Variants in PTPRJ observed in about 807,000 individuals in gnomAD.
PTPRJ encodes the protein receptor-type tyrosine-protein phosphatase eta.
Under a neutral mutation model 141.3 loss-of-function variants are expected in PTPRJ, and 129 were observed. The ratio of observed to expected loss-of-function variants is 0.91; its 90% CI spans 0.79 to 1.06. The LOEUF is 1.06. PTPRJ is among the 50% of genes least tolerant of loss of function. The pLI, the probability that PTPRJ is intolerant of heterozygous loss-of-function variation, is 0.00. For synonymous variants in PTPRJ, 610 were observed against 640.5 expected (o/e 0.95, Z 0.72); for missense variants, 1,601 against 1,679.7 (o/e 0.95, Z 0.82).
chr11:47,994,388 C>G (rs1295803620), intron 1 of PTPRJ, among the ~76,000 whole-genome samples: 1 of 152,044 alleles, frequency 6.6e-6, no homozygotes. Flanking sequence ...GGCACCGTGG[C>G]TCATACCTGT....
intron 1 of PTPRJ, among the ~76,000 whole-genome samples, chr11:48,098,777 C>CTTTGAGAAGG (rs1856080785): frequency 6.2e-5 from 1 of 16,030 alleles, no homozygotes; most frequent in Non-Finnish European, 3.3e-4. Flanking sequence ...TCTCGGCCTC[C>CTTTGAGAAGG]CAAAGTGCTG....
chr11:48,161,664 G>A (rs1857781828), intron 22 of PTPRJ, among the ~76,000 whole-genome samples: 1 of 151,856 alleles, frequency 6.6e-6, no homozygotes, highest in East Asian at 1.9e-4. Flanking sequence ...CCAGGCTGGA[G>A]TGCAGTAGCA....
chr11:48,084,105 G>C (rs1265997735), intron 1 of PTPRJ, among the ~76,000 whole-genome samples: 1 of 152,148 alleles, frequency 6.6e-6, no homozygotes, highest in Non-Finnish European at 1.5e-5. Flanking sequence ...GAGATGCTGC[G>C]TTGGTGTAAA....
intron 9 of PTPRJ, 39 bp downstream of exon 9, chr11:48,136,335 C>T: frequency 6.3e-7 from 1 of 1,594,466 alleles, no homozygotes; most frequent in South Asian, 1.1e-5. Context: ...AACAGCCTCT[C>T]TAACTGTCTC....
At chr11:48,141,930 C>A (rs558748180) in intron 11 of PTPRJ, among the ~76,000 whole-genome samples, 2 of 142,324 alleles carry the variant, frequency 1.4e-5, no homozygotes, top group East Asian at 4.1e-4. Flanking sequence ...GAAGCTCTTC[C>A]CCAATGTGTT....
chr11:48,121,206 A>T lies in PTPRJ; in HGVS notation c.556A>T (p.Ile186Phe), dbSNP rs768664284. 6.2e-7 allele frequency: 1 copy of T among 1,614,174 alleles called. No individual in the cohort carries two copies. Among genetic ancestry groups the T allele is most frequent in the East Asian group, 2.2e-5 (1 of 44,882 alleles). The change falls in exon 4 of 25, where the codon ATC becomes TTC. Residue 186 changes from isoleucine to phenylalanine, a missense_variant. Coordinates refer to ENST00000418331, the MANE Select transcript of PTPRJ (RefSeq NM_002843.4). ...LRPATSYVFS[I>F]TPGIGNETWG... ...TCCAGCGACTTCATATGTATTCTCC[A>T]TCACTCCAGGAATAGGCAATGAGAC...
chr11:48,134,498 C>T (rs1276693860), intron 8 of PTPRJ, among the ~76,000 whole-genome samples: 2 of 152,040 alleles, frequency 1.3e-5, no homozygotes, highest in Non-Finnish European at 2.9e-5. Context: ...ACAAAGGCTC[C>T]TCCCAGTGGC....
At chr11:48,069,261 A>C (rs1367151355) in intron 1 of PTPRJ, among the ~76,000 whole-genome samples, 2 of 141,508 alleles carry the variant, frequency 1.4e-5, no homozygotes, top group East Asian at 4.4e-4. Flanking sequence ...CACCATGCCC[A>C]GCTAATTTTT....
rs1857670552 is a variant in PTPRJ at position 48,158,575 on chromosome 11, T to C, written c.3439-1355T>C. Reference sequence around the variant, plus strand: ...AGTGTGTATCCAGATCCTGGGTTGTTTCTTTGGAACCTGGGTCTTTAAAGA... The same window carrying C: ...AGTGTGTATCCAGATCCTGGGTTGTCTCTTTGGAACCTGGGTCTTTAAAGA... On this transcript the variant is annotated intron_variant, in intron 21 of 24. Transcript: ENST00000418331. This position sits in a 1 kb window ranked among gnomAD's most constrained non-coding sequence, Gnocchi z 4.4. Among the ~76,000 whole-genome samples, 1 of 152,176 alleles carries C rather than the reference T, an allele frequency of 6.6e-6. No individual in the cohort carries two copies.
chr11:47,989,693 T>C (rs1854141698), intron 1 of PTPRJ, among the ~76,000 whole-genome samples: 1 of 152,162 alleles, frequency 6.6e-6, no homozygotes, highest in South Asian at 2.1e-4. Context: ...CTTTGGAAAT[T>C]AGTCCTTCGA....
At chr11:48,056,503 G>A (rs1052831884) in intron 1 of PTPRJ, among the ~76,000 whole-genome samples, 1 of 152,208 alleles carries the variant, frequency 6.6e-6, no homozygotes, top group Non-Finnish European at 1.5e-5. Flanking sequence ...TATTAGAGCG[G>A]CAGTTTGGCG....
chr11:48,079,178 A>G lies in PTPRJ; in HGVS notation c.97-30880A>G, dbSNP rs548689466. Among the ~76,000 whole-genome samples the G allele has an allele frequency of 6.7e-4, 102 of 152,208 alleles. 2 individuals are homozygous for G. In the South Asian group the frequency reaches 0.021, roughly 31 times the overall value. ...GCTAAAAAAAAAAAAATCACAAAAAATCTCAAAATGTTTTAAGAAAGTTTA... is the reference window on the plus strand; with the variant it reads ...GCTAAAAAAAAAAAAATCACAAAAAGTCTCAAAATGTTTTAAGAAAGTTTA... On this transcript the variant is annotated intron_variant, in intron 1 of 24. Coordinates refer to ENST00000418331, the MANE Select transcript of PTPRJ (RefSeq NM_002843.4).
At chr11:48,081,934 G>A (rs751291211) in intron 1 of PTPRJ, among the ~76,000 whole-genome samples, 10 of 152,212 alleles carry the variant, frequency 6.6e-5, no homozygotes, top group Non-Finnish European at 1.2e-4. Flanking sequence ...GTGGTGAATA[G>A]TCTCTTGGTA....
intron 1 of PTPRJ, among the ~76,000 whole-genome samples, chr11:48,100,489 C>A (rs1007389515): frequency 1.8e-4 from 28 of 152,140 alleles, no homozygotes; most frequent in Admixed American, 2.0e-4. Context: ...GAGGTAAATA[C>A]TGTATATATA....
At chr11:48,123,077 G>T (rs1856745254) in intron 4 of PTPRJ, among the ~76,000 whole-genome samples, 1 of 152,222 alleles carries the variant, frequency 6.6e-6, no homozygotes, top group Non-Finnish European at 1.5e-5. Context: ...TGGGAGGAAG[G>T]TCCAGGATAT....
chr11:48,153,820 C>T lies in PTPRJ; in HGVS notation c.3163C>T (p.Gln1055Ter). ...GGATCTGAAGCTTGTTGGAATTAGT[C>T]AACCTAAATATGCAGCAGAACTGGC... ...YEDLKLVGIS[Q>*]PKYAAELAEN... Residue 1055 changes from glutamine to a stop codon, truncating the protein, a stop_gained, in exon 19 of 25, where the codon CAA (glutamine) becomes TAA (stop). Coordinates refer to ENST00000418331, the MANE Select transcript of PTPRJ (RefSeq NM_002843.4). LOFTEE classifies it high-confidence loss of function. 5 of 1,613,364 alleles carry T rather than the reference C, an allele frequency of 3.1e-6. No homozygotes were observed. Among genetic ancestry groups the T allele is most frequent in the Non-Finnish European group, 4.2e-6 (5 of 1,179,372 alleles).
At chr11:48,012,311 A>G (rs1854819218) in intron 1 of PTPRJ, among the ~76,000 whole-genome samples, 1 of 152,078 alleles carries the variant, frequency 6.6e-6, no homozygotes, top group Non-Finnish European at 1.5e-5. Context: ...CATGTTTTCA[A>G]GGTTGGCATT....
At chr11:48,043,542 C>T (rs1231992916) in intron 1 of PTPRJ, among the ~76,000 whole-genome samples, 2 of 152,190 alleles carry the variant, frequency 1.3e-5, no homozygotes, top group Non-Finnish European at 2.9e-5. Context: ...AGAAGTTCAG[C>T]GCTCAGTTAA....
rs373196607 is a variant in PTPRJ, at chr11:48,116,895, T to C, written c.352+3912T>C. 5.9e-5 allele frequency among the ~76,000 whole-genome samples: 9 copies of C among 152,330 alleles called. No individual in the cohort carries two copies. In the East Asian group the frequency reaches 1.7e-3, roughly 29 times the overall value. ...AACATCACTTCTTAAGCAATTTTGT[T>C]AACATATTTCTTTTTCTTCTTTAAA... On this transcript the variant is annotated intron_variant, in intron 3 of 24. Coordinates refer to ENST00000418331, the MANE Select transcript of PTPRJ (RefSeq NM_002843.4).
Sources: allele counts gnomAD v4.1 joint callset (sites outside exome capture counted in the v4.1 genomes callset), GRCh38; gene constraint gnomAD v4.1.1; non-coding constraint Gnocchi (gnomAD v3.1); transcripts MANE v1.5; gene names NCBI Gene and HGNC (gene_info 2026-07-23, HGNC 2026-07-21).